The following CMSS1 variants were observed in gnomAD, a reference collection of about 807,000 sequenced individuals.
CMSS1 encodes cms1 ribosomal small subunit homolog.
Under a neutral mutation model 43.5 loss-of-function variants are expected in CMSS1, and 33 were observed. That is an observed-to-expected ratio of 0.76 (90% CI 0.57 to 1.01). The LOEUF is 1.01. Among genes scored for constraint, CMSS1 ranks in the 50% least tolerant of loss-of-function variants. CMSS1 has a pLI of 0.00. For synonymous variants in CMSS1, 115 were observed against 117.2 expected, an observed-to-expected ratio of 0.98 and a Z score of 0.12; for missense variants, 313 against 326.4, an observed-to-expected ratio of 0.96 and a Z score of 0.32.
intron 1 of CMSS1, among the ~76,000 whole-genome samples, chr3:100,109,391 A>G (rs2066450126): frequency 6.6e-6 from 1 of 152,188 alleles, no homozygotes; most frequent in African/African-American, 2.4e-5. Context: ...AATTTTGACA[A>G]GCTCATGCAA....
chr3:100,088,613 G>A (rs1271955687), intron 1 of CMSS1, among the ~76,000 whole-genome samples: 1 of 152,124 alleles, frequency 6.6e-6, no homozygotes, highest in Non-Finnish European at 1.5e-5. Flanking sequence ...CAGTCTTACA[G>A]AGACATCAAG....
intron 1 of CMSS1, among the ~76,000 whole-genome samples, chr3:100,046,160 A>C (rs1203761823): frequency 6.6e-6 from 1 of 152,188 alleles, no homozygotes; most frequent in Non-Finnish European, 1.5e-5. Context: ...AGGCTCATCA[A>C]ATTTCCCAGG....
chr3:100,120,360 A>G (rs1481953752), intron 1 of CMSS1, among the ~76,000 whole-genome samples: 2 of 152,220 alleles, frequency 1.3e-5, no homozygotes, highest in East Asian at 1.9e-4. Flanking sequence ...AATGTAGAGT[A>G]AAAGAGAGGG....
At chr3:99,907,816 C>T (rs540620586) in intron 1 of CMSS1, among the ~76,000 whole-genome samples, 1 of 152,190 alleles carries the variant, frequency 6.6e-6, no homozygotes, top group African/African-American at 2.4e-5. Flanking sequence ...ATTAGGAGAT[C>T]AAGCCATTCC....
At chr3:99,846,883 A>G (rs374454009) in intron 1 of CMSS1, among the ~76,000 whole-genome samples, 6 of 152,306 alleles carry the variant, frequency 3.9e-5, no homozygotes, top group South Asian at 2.1e-4. Context: ...GAAAAAGGGA[A>G]ATGGCAATAA....
chr3:99,917,435 A>T (rs1254814847), intron 1 of CMSS1, among the ~76,000 whole-genome samples: 1 of 152,224 alleles, frequency 6.6e-6, no homozygotes, highest in African/African-American at 2.4e-5. Flanking sequence ...CTAGAATATC[A>T]TCAAATATAT....
At chr3:99,858,523 A>G (rs2107547933) in intron 1 of CMSS1, among the ~76,000 whole-genome samples, 1 of 152,314 alleles carries the variant, frequency 6.6e-6, no homozygotes, top group Non-Finnish European at 1.5e-5. Flanking sequence ...TAAATCCATC[A>G]TCTGCTAAAT....
intron 1 of CMSS1, 30 bp from the exon 2 acceptor site, chr3:100,146,941 CTT>C: frequency 2.5e-6 from 4 of 1,603,154 alleles, no homozygotes; most frequent in Non-Finnish European, 3.4e-6. Flanking sequence ...GAGAGAGAGA[CTT>C]TTCTGATTTT....
chr3:99,936,274 C>T (rs908963019), intron 1 of CMSS1, among the ~76,000 whole-genome samples: 1 of 148,618 alleles, frequency 6.7e-6, no homozygotes, highest in African/African-American at 2.5e-5. Context: ...TGGTAGCTAA[C>T]ATGTATTCAT....
intron 1 of CMSS1, among the ~76,000 whole-genome samples, chr3:99,905,586 G>A (rs1322341905): frequency 1.3e-5 from 2 of 152,112 alleles, no homozygotes; most frequent in East Asian, 1.9e-4. Flanking sequence ...CAAATATTAA[G>A]CATACAGATT....
At chr3:100,129,313 C>T (rs1406372175) in intron 1 of CMSS1, among the ~76,000 whole-genome samples, 1 of 152,120 alleles carries the variant, frequency 6.6e-6, no homozygotes, top group Non-Finnish European at 1.5e-5. Context: ...GTCCATGTGG[C>T]CACACAATGA....
intron 1 of CMSS1, among the ~76,000 whole-genome samples, chr3:99,946,354 A>G (rs148723934): frequency 1.3e-5 from 2 of 152,360 alleles, no homozygotes; most frequent in African/African-American, 4.8e-5. Flanking sequence ...GAATTTGGAA[A>G]TTTTTTGTTA....
rs1342795534 is a variant in CMSS1, at chr3:100,048,682, A to G, written c.65-98291A>G. ...CAGGAATCATTTCCACTCTGTTAACATCTCACTAAAGGAAGCAATCAAGTC... is the reference window on the plus strand; with the variant it reads ...CAGGAATCATTTCCACTCTGTTAACGTCTCACTAAAGGAAGCAATCAAGTC... On this transcript the variant is annotated intron_variant, in intron 1 of 9. Transcript: ENST00000421999. 2.0e-5 allele frequency among the ~76,000 whole-genome samples: 3 copies of G among 152,236 alleles called. No individual in the cohort carries two copies. In the East Asian group the frequency reaches 5.8e-4, roughly 29 times the overall value.
At chr3:99,916,454 A>C (rs1309765131) in intron 1 of CMSS1, among the ~76,000 whole-genome samples, 1 of 148,656 alleles carries the variant, frequency 6.7e-6, no homozygotes, top group African/African-American at 2.6e-5. Context: ...ACACACACAC[A>C]CACACACACA....
At chr3:100,040,253 G>T (rs531608376) in intron 1 of CMSS1, 1 of 152,130 alleles carries the variant, frequency 6.6e-6, no homozygotes, top group Middle Eastern at 3.4e-3. Context: ...CTCTCTTGTG[G>T]CTTATTTGCA....
At chr3:100,041,982 T>G (rs1187521094) in intron 1 of CMSS1, among the ~76,000 whole-genome samples, 1 of 152,214 alleles carries the variant, frequency 6.6e-6, no homozygotes, top group African/African-American at 2.4e-5. Flanking sequence ...TCCTTCCTCT[T>G]TCTTCAGCTA....
chr3:100,012,374 A>G (rs1710182631), intron 1 of CMSS1, among the ~76,000 whole-genome samples: 1 of 152,164 alleles, frequency 6.6e-6, no homozygotes, highest in Non-Finnish European at 1.5e-5. Flanking sequence ...TCATCATATC[A>G]TTAAAAGCCC....
chr3:99,834,030 T>G (rs1942794877), intron 1 of CMSS1, among the ~76,000 whole-genome samples: 1 of 152,276 alleles, frequency 6.6e-6, no homozygotes, highest in Non-Finnish European at 1.5e-5. Flanking sequence ...TTTTGTCTTT[T>G]ATATTGTTTG....
At chr3:100,163,411 T>A (rs1341548612) in intron 4 of CMSS1, among the ~76,000 whole-genome samples, 1 of 152,244 alleles carries the variant, frequency 6.6e-6, no homozygotes, top group Non-Finnish European at 1.5e-5. Flanking sequence ...TCTGTATGTT[T>A]TGCGAGGCTG....
Sources: allele counts gnomAD v4.1 joint callset (sites outside exome capture counted in the v4.1 genomes callset), GRCh38; gene constraint gnomAD v4.1.1; transcripts MANE v1.5; gene names NCBI Gene and HGNC (gene_info 2026-07-23, HGNC 2026-07-21).